Variants in OMA1 observed in about 807,000 individuals in gnomAD.
OMA1 encodes the protein metalloendopeptidase OMA1, mitochondrial.
In OMA1, 38 loss-of-function variants were observed where a neutral mutation model predicts 30.9. The observed-to-expected ratio is 1.23, with a 90% confidence interval of 0.95 to 1.61. The LOEUF (loss-of-function observed/expected upper bound fraction) is 1.61, where lower values mean the gene tolerates loss of function less well. Ranked by LOEUF, OMA1 falls within the 40% of genes most tolerant of loss-of-function variation. OMA1 has a pLI of 0.00. For missense variants in OMA1, 461 were observed against 349.2 expected, an observed-to-expected ratio of 1.32 and a Z score of -2.55; for synonymous variants, 173 against 121.9, an observed-to-expected ratio of 1.42 and a Z score of -2.76.
intron 8 of OMA1, among the ~76,000 whole-genome samples, chr1:58,487,182 C>G (rs1165757588): frequency 6.6e-6 from 1 of 152,074 alleles, no homozygotes; most frequent in Admixed American, 6.5e-5. Flanking sequence ...GGAGCAGTGG[C>G]GAAGTTGAGA....
intron 7 of OMA1, among the ~76,000 whole-genome samples, chr1:58,521,425 A>T (rs1646261532): frequency 6.6e-6 from 1 of 152,044 alleles, no homozygotes; most frequent in African/African-American, 2.4e-5. Flanking sequence ...AGAATAAAAT[A>T]ATGAAAAAAA....
intron 7 of OMA1, among the ~76,000 whole-genome samples, chr1:58,508,478 A>C (rs968915666): frequency 6.6e-6 from 1 of 152,190 alleles, no homozygotes; most frequent in Non-Finnish European, 1.5e-5. Flanking sequence ...GAAATGAACA[A>C]CATCAAACCT....
At chr1:58,530,830 C>T (rs1264068295) in intron 5 of OMA1, 101 bp from the exon 6 acceptor site, 2 of 676,080 alleles carry the variant, frequency 3.0e-6, no homozygotes, top group Non-Finnish European at 5.1e-6. Flanking sequence ...TGACCTTCTC[C>T]ACCTAAGACT....
intron 1 of OMA1, among the ~76,000 whole-genome samples, chr1:58,545,705 G>A (rs941147582): frequency 6.6e-6 from 1 of 152,202 alleles, no homozygotes. Flanking sequence ...GCACTCACTG[G>A]CACTCACAGC....
At chr1:58,542,092 C>A (rs1335880038) in intron 1 of OMA1, among the ~76,000 whole-genome samples, 1 of 152,198 alleles carries the variant, frequency 6.6e-6, no homozygotes, top group Non-Finnish European at 1.5e-5. Context: ...GTAATTCATA[C>A]ATCCTGCCCT....
At chr1:58,483,490 T>C (rs1285331976) in intron 8 of OMA1, among the ~76,000 whole-genome samples, 1 of 152,016 alleles carries the variant, frequency 6.6e-6, no homozygotes, top group Non-Finnish European at 1.5e-5. Context: ...AGCTGGAGAG[T>C]TGAAAAAACA....
intron 7 of OMA1, among the ~76,000 whole-genome samples, chr1:58,518,365 GAAGAGAAGGGAAGAA>G (rs1260596535): frequency 1.7e-4 from 24 of 142,754 alleles, no homozygotes; most frequent in African/African-American, 6.3e-4. Flanking sequence ...GAAGGGAAGA[GAAGAGAAGGGAAGAA>G]AAGAAAAGAA....
intron 7 of OMA1, among the ~76,000 whole-genome samples, chr1:58,516,887 C>A (rs1331264251): frequency 6.6e-6 from 1 of 152,178 alleles, no homozygotes; most frequent in Non-Finnish European, 1.5e-5. Flanking sequence ...TGGGTCAGGA[C>A]TTTCTCTCCC....
At chr1:58,502,084 G>A (rs961244366) in intron 8 of OMA1, among the ~76,000 whole-genome samples, 4 of 152,150 alleles carry the variant, frequency 2.6e-5, no homozygotes, top group African/African-American at 9.7e-5. Context: ...TGCATAAAGT[G>A]TAAATTTAAA....
chr1:58,511,957 G>C (rs1198535271), intron 7 of OMA1, among the ~76,000 whole-genome samples: 1 of 152,074 alleles, frequency 6.6e-6, no homozygotes, highest in Admixed American at 6.6e-5. Context: ...TAAGGAAACA[G>C]AGTGAAAGGC....
chr1:58,481,123 G>C lies in OMA1; in HGVS notation c.1417C>G (p.Pro473Ala). 1 of 870,866 alleles carries C rather than the reference G, an allele frequency of 1.1e-6. No individual in the cohort carries two copies. Among genetic ancestry groups the C allele is most frequent in the Non-Finnish European group, 2.0e-6 (1 of 500,862 alleles). 53.9% of individuals were successfully genotyped at this position (870,866 alleles called of 1,614,324 possible). The change falls in exon 9 of 9, where the codon CCT becomes GCT. Residue 473 changes from proline to alanine, a missense_variant. By Grantham distance (27) the Pro-to-Ala change is conservative. Coordinates refer to ENST00000371226, the MANE Select transcript of OMA1 (RefSeq NM_145243.5). ...CNCPPLSNPD[P>A]RLLFKLSTKH... The stretch of plus-strand genomic sequence containing the variant: ...GTGCTGAGTTTGAATAGTAATCGAG[G>C]GTCTGGATTAGACAGTGGTGGACAA...
chr1:58,481,186 TAATAA>T lies in OMA1; in HGVS notation c.1366-17_1366-13del, dbSNP rs566759819. 1,458 of 779,506 alleles carry T rather than the reference TAATAA, an allele frequency of 1.9e-3. 10 individuals carry two copies. The highest frequency in any genetic ancestry group is 7.9e-3 in the Middle Eastern group (25 of 3,170). 48.3% of individuals were successfully genotyped at this position (779,506 alleles called of 1,614,324 possible). ...CTAATTTTGAGAGCCTATAAAGAAA[TAATAA>T]AATAAAAAAATACTATATATATACA... On this transcript the variant is annotated splice_polypyrimidine_tract_variant and intron_variant, in intron 8 of 8. Coordinates refer to ENST00000371226, the MANE Select transcript of OMA1 (RefSeq NM_145243.5).
At chr1:58,504,923 T>C (rs1645962923) in intron 8 of OMA1, among the ~76,000 whole-genome samples, 1 of 152,156 alleles carries the variant, frequency 6.6e-6, no homozygotes, top group African/African-American at 2.4e-5. Context: ...ACTCCGTATT[T>C]GTTGGGCTGA....
intron 8 of OMA1, among the ~76,000 whole-genome samples, chr1:58,486,699 C>A (rs967319611): frequency 6.6e-6 from 1 of 152,050 alleles, no homozygotes; most frequent in Admixed American, 6.6e-5. Context: ...GTTGGACGGA[C>A]AATGAGTACA....
intron 5 of OMA1, 148 bp from the exon 6 acceptor site, chr1:58,530,877 G>T (rs115934660): frequency 6.9e-6 from 4 of 576,416 alleles, no homozygotes; most frequent in Middle Eastern, 4.2e-4. Context: ...TATTCTTTCC[G>T]GGTCTGTTTT....
intron 8 of OMA1, among the ~76,000 whole-genome samples, chr1:58,481,623 T>C (rs1184001934): frequency 2.0e-5 from 3 of 152,296 alleles, no homozygotes; most frequent in South Asian, 4.1e-4. Context: ...AAATTGATGA[T>C]AATAACCTAG....
chr1:58,514,673 T>C (rs759901077), intron 7 of OMA1, among the ~76,000 whole-genome samples: 1 of 152,188 alleles, frequency 6.6e-6, no homozygotes, highest in South Asian at 2.1e-4. Context: ...CAAAGGATTG[T>C]GGCAGGGGGA....
chr1:58,533,239 C>T (rs76281957), intron 5 of OMA1, among the ~76,000 whole-genome samples: 9 of 152,068 alleles, frequency 5.9e-5, no homozygotes, highest in South Asian at 4.1e-4. Flanking sequence ...ATAAGAAAAG[C>T]GCTGCTAAAA....
intron 7 of OMA1, among the ~76,000 whole-genome samples, chr1:58,522,527 C>T (rs1330801478): frequency 2.6e-5 from 4 of 152,194 alleles, no homozygotes; most frequent in African/African-American, 9.6e-5. Flanking sequence ...TTGCCCATCA[C>T]CAACTTTGTA....
Sources: gnomAD v4.1 joint callset for allele counts (sites outside exome capture counted in the v4.1 genomes callset) on GRCh38, gnomAD v4.1.1 for gene constraint, MANE v1.5 for transcripts, NCBI Gene and HGNC (gene_info 2026-07-23, HGNC 2026-07-21) for gene names.